The following DSCAM variants were observed in gnomAD, a reference collection of about 807,000 sequenced individuals.
DSCAM encodes the protein cell adhesion molecule DSCAM.
In DSCAM, 47 loss-of-function variants were observed where a neutral mutation model predicts 217.7. The observed-to-expected ratio is 0.22, with a 90% CI of 0.17 to 0.28. DSCAM has a LOEUF of 0.28. DSCAM is among the 10% of genes least tolerant of loss of function. The probability of loss-of-function intolerance (pLI) is 1.00; values close to 1 mark genes in which losing one functional copy is unlikely to be tolerated. For missense variants in DSCAM, 2,080 were observed against 2,618.3 expected, an observed-to-expected ratio of 0.79 and a Z score of 4.49; for synonymous variants, 1,056 against 1,015.3, an observed-to-expected ratio of 1.04 and a Z score of -0.76.
chr21:40,021,104 C>CAG (rs774247566), intron 32 of DSCAM, among the ~76,000 whole-genome samples: 12 of 139,148 alleles, frequency 8.6e-5, no homozygotes, highest in African/African-American at 2.2e-4. Context: ...AAGAGACACA[C>CAG]AGAGAGAGAG....
chr21:40,742,882 T>C (rs951000814), intron 1 of DSCAM, among the ~76,000 whole-genome samples: 1 of 152,310 alleles, frequency 6.6e-6, no homozygotes, highest in South Asian at 2.1e-4. Context: ...ATTTTCATCA[T>C]TATTTTTATT....
At chr21:40,755,561 T>C (rs2091267422) in intron 1 of DSCAM, among the ~76,000 whole-genome samples, 1 of 152,056 alleles carries the variant, frequency 6.6e-6, no homozygotes, top group Non-Finnish European at 1.5e-5. Flanking sequence ...AAACTCTGGA[T>C]TGGTAGGAGT....
intron 10 of DSCAM, among the ~76,000 whole-genome samples, chr21:40,277,863 C>T (rs1419768548): frequency 7.5e-5 from 10 of 133,446 alleles, no homozygotes; most frequent in East Asian, 6.4e-4. Flanking sequence ...AGTGAGACTT[C>T]GTCTCAAAAA....
intron 21 of DSCAM, 40 bp downstream of exon 21, chr21:40,093,681 A>G: frequency 1.9e-6 from 3 of 1,611,192 alleles, no homozygotes; most frequent in South Asian, 2.2e-5. Flanking sequence ...AAAACAGTCA[A>G]GTTACAACAG....
At position 40,637,108 on chromosome 21, in the gene DSCAM, C is replaced by CAT. The variant is rs202011231; in HGVS notation, c.508+55700_508+55701dup. 7.0e-3 allele frequency among the ~76,000 whole-genome samples: 262 copies of CAT among 37,372 alleles called. 24 individuals carry two copies. Among genetic ancestry groups the CAT allele is most frequent in the East Asian group, 0.054 (66 of 1,226 alleles). The allele number at this position is 37,372 out of a possible 152,430, so 24.5% of individuals were successfully genotyped here. A position where few individuals can be genotyped will look rare whatever the true frequency, so the allele number is the denominator to read the frequency against. ...AAAATAGAAGGAGGCCCTTCTCATT[C>CAT]ATATATATATATATATATATAAATA... On this transcript the variant is annotated intron_variant, in intron 3 of 32. Coordinates refer to ENST00000400454, the MANE Select transcript of DSCAM (RefSeq NM_001389.5).
chr21:40,541,126 T>C (rs990797343), intron 3 of DSCAM, among the ~76,000 whole-genome samples: 7 of 152,204 alleles, frequency 4.6e-5, no homozygotes, highest in Non-Finnish European at 7.3e-5. Context: ...AAAATACTAA[T>C]GAATGTCATT....
intron 3 of DSCAM, among the ~76,000 whole-genome samples, chr21:40,381,876 G>A (rs1221775086): frequency 6.6e-6 from 1 of 152,214 alleles, no homozygotes; most frequent in Admixed American, 6.5e-5. Context: ...GTATCAAATA[G>A]TGGTGATAAA....
At chr21:40,027,032 G>A (rs2088403334) in intron 32 of DSCAM, among the ~76,000 whole-genome samples, 2 of 152,310 alleles carry the variant, frequency 1.3e-5, no homozygotes, top group Admixed American at 6.5e-5. Flanking sequence ...TCCTTTCCAT[G>A]TTTAGTGCTT....
At position 40,329,569 on chromosome 21, in the gene DSCAM, G is replaced by A. The variant is rs560396867; in HGVS notation, c.1783+8532C>T. Reference sequence around the variant, plus strand: ...GCAGAGGATGCAGTGAGCCGAGATCGCGCCACTGCACTCCAGCCTGGCCAC... The same window carrying A: ...GCAGAGGATGCAGTGAGCCGAGATCACGCCACTGCACTCCAGCCTGGCCAC... On this transcript the variant is annotated intron_variant, in intron 8 of 32. Coordinates refer to ENST00000400454, the MANE Select transcript of DSCAM (RefSeq NM_001389.5). Among the ~76,000 whole-genome samples, 21 of 151,562 alleles carry A rather than the reference G, an allele frequency of 1.4e-4. No individual in the cohort carries two copies. The East Asian group carries it at 1.6e-3, about 11-fold the overall frequency.
chr21:40,072,591 G>A (rs9974083), intron 27 of DSCAM, among the ~76,000 whole-genome samples: 49,354 of 151,664 alleles, frequency 0.33, 9,008 homozygotes, highest in East Asian at 0.6. Context: ...CTCGTGATCC[G>A]CCCACCTTGG....
At chr21:40,322,411 A>C (rs999365975) in intron 8 of DSCAM, among the ~76,000 whole-genome samples, 19 of 152,252 alleles carry the variant, frequency 1.2e-4, no homozygotes, top group African/African-American at 4.3e-4. Flanking sequence ...TTCTGATGAC[A>C]AAGGTCCAAT....
chr21:40,502,350 T>C (rs962750467), intron 3 of DSCAM, among the ~76,000 whole-genome samples: 1 of 152,178 alleles, frequency 6.6e-6, no homozygotes, highest in African/African-American at 2.4e-5. Context: ...TTATCTAATT[T>C]GATAACTGTA....
intron 3 of DSCAM, among the ~76,000 whole-genome samples, chr21:40,582,781 A>G (rs1403964119): frequency 6.6e-6 from 1 of 152,196 alleles, no homozygotes; most frequent in Non-Finnish European, 1.5e-5. Context: ...TAGAAGCAAG[A>G]GTGTCTAGAA....
At chr21:40,207,428 C>T (rs1351037566) in intron 11 of DSCAM, among the ~76,000 whole-genome samples, 1 of 152,036 alleles carries the variant, frequency 6.6e-6, no homozygotes, top group Non-Finnish European at 1.5e-5. Flanking sequence ...GCCAGTTTGG[C>T]CAGGTGTAAA....
chr21:40,663,146 CATGTTAAGTGTATGT>C (rs969977472), intron 3 of DSCAM, among the ~76,000 whole-genome samples: 8 of 48,716 alleles, frequency 1.6e-4, no homozygotes, highest in Non-Finnish European at 5.0e-4. Flanking sequence ...TGCATGTATG[CATGTTAAGTGTATGT>C]ATGTCAGTGT....
chr21:40,409,980 T>C (rs1302731845), intron 3 of DSCAM, among the ~76,000 whole-genome samples: 3 of 152,182 alleles, frequency 2.0e-5, no homozygotes, highest in Admixed American at 6.5e-5. Flanking sequence ...GAAATATGTA[T>C]ATATTATATA....
intron 3 of DSCAM, among the ~76,000 whole-genome samples, chr21:40,507,943 C>G (rs2076222649): frequency 6.6e-6 from 1 of 152,138 alleles, no homozygotes; most frequent in Non-Finnish European, 1.5e-5. Context: ...CCTAGAGCAC[C>G]AATCCCTGGA....
At chr21:40,454,575 G>T (rs979843592) in intron 3 of DSCAM, among the ~76,000 whole-genome samples, 32 of 152,160 alleles carry the variant, frequency 2.1e-4, no homozygotes, top group Non-Finnish European at 4.0e-4. Flanking sequence ...TTCACACGGG[G>T]AAGTGTTTAA....
chr21:40,497,437 T>C (rs965053522), intron 3 of DSCAM, among the ~76,000 whole-genome samples: 1 of 144,632 alleles, frequency 6.9e-6, no homozygotes, highest in African/African-American at 2.6e-5. Context: ...ATAGAAGTAG[T>C]GAGTAGAATG....
Sources: gnomAD v4.1 joint callset for allele counts (sites outside exome capture counted in the v4.1 genomes callset) on GRCh38, gnomAD v4.1.1 for gene constraint, MANE v1.5 for transcripts, NCBI Gene and HGNC (gene_info 2026-07-23, HGNC 2026-07-21) for gene names.